The following RAD51B variants were observed in gnomAD, a reference collection of about 807,000 sequenced individuals.
RAD51B encodes the protein RAD51 paralog B.
RAD51B carries 38 observed loss-of-function variants against 42.2 expected under a neutral mutation model. That is an observed-to-expected ratio of 0.90 (90% CI 0.70 to 1.18). The LOEUF (loss-of-function observed/expected upper bound fraction) is 1.18. Ranked by LOEUF, RAD51B falls within the 50% of genes most tolerant of loss-of-function variation. The pLI, the probability that RAD51B is intolerant of heterozygous loss-of-function variation, is 0.00. For missense variants in RAD51B, 373 were observed against 400.7 expected (o/e 0.93, Z 0.59); for synonymous variants, 154 against 145.2 (o/e 1.06, Z -0.43).
At chr14:68,385,595 G>T (rs1246278931) in intron 8 of RAD51B, among the ~76,000 whole-genome samples, 1 of 152,146 alleles carries the variant, frequency 6.6e-6, no homozygotes, top group Admixed American at 6.6e-5. Context: ...AGCATTACGA[G>T]CATCCAGTGA....
At chr14:68,003,273 C>A (rs1009534459) in intron 7 of RAD51B, among the ~76,000 whole-genome samples, 35 of 152,050 alleles carry the variant, frequency 2.3e-4, no homozygotes, top group African/African-American at 7.5e-4. Flanking sequence ...ATTTTATTTT[C>A]TTTGTAGCAA....
At chr14:68,142,991 A>G (rs2767364) in intron 7 of RAD51B, among the ~76,000 whole-genome samples, 27 of 147,596 alleles carry the variant, frequency 1.8e-4, no homozygotes, top group South Asian at 2.1e-4. Context: ...TGTCTCAAGG[A>G]AAAAAAAAAG....
chr14:68,582,736 AAG>A (rs1250897038), intron 10 of RAD51B, among the ~76,000 whole-genome samples: 6 of 152,254 alleles, frequency 3.9e-5, no homozygotes, highest in Non-Finnish European at 8.8e-5. Context: ...CACAATAGCA[AAG>A]ACTTGGAATC....
chr14:68,079,852 C>CA (rs2076887332), intron 7 of RAD51B, among the ~76,000 whole-genome samples: 1 of 152,234 alleles, frequency 6.6e-6, no homozygotes, highest in East Asian at 1.9e-4. Flanking sequence ...CTTGGTCTCA[C>CA]AGGCTCTGTC....
chr14:67,931,606 A>C (rs556998299), intron 7 of RAD51B, among the ~76,000 whole-genome samples: 1 of 149,756 alleles, frequency 6.7e-6, no homozygotes, highest in East Asian at 2.0e-4. Context: ...GGGTTCAAGC[A>C]ATTCTCCTGC....
intron 8 of RAD51B, chr14:68,338,973 T>C: frequency 1.5e-6 from 1 of 657,788 alleles, no homozygotes; most frequent in Non-Finnish European, 2.8e-6. Context: ...TGCCTTCCCC[T>C]TGATAATGCA....
chr14:68,428,006 G>A (rs1162944002), intron 9 of RAD51B, among the ~76,000 whole-genome samples: 1 of 152,152 alleles, frequency 6.6e-6, no homozygotes, highest in Admixed American at 6.6e-5. Context: ...ACAGGAGTGA[G>A]TTCCTTATAA....
At chr14:68,374,932 C>T (rs771574995) in intron 8 of RAD51B, among the ~76,000 whole-genome samples, 7 of 151,232 alleles carry the variant, frequency 4.6e-5, no homozygotes, top group Non-Finnish European at 8.8e-5. Context: ...TGGATTATGC[C>T]CGTATCTGAT....
chr14:68,412,913 G>A (rs1281739555), intron 9 of RAD51B, among the ~76,000 whole-genome samples: 2 of 152,200 alleles, frequency 1.3e-5, no homozygotes, highest in African/African-American at 4.8e-5. Flanking sequence ...AACTTTATCA[G>A]AGGAAGCAAA....
chr14:68,133,075 G>T (rs775138673), intron 7 of RAD51B, among the ~76,000 whole-genome samples: 1 of 152,094 alleles, frequency 6.6e-6, no homozygotes, highest in Non-Finnish European at 1.5e-5. Context: ...AAAAGAATGT[G>T]GGGGGCAGGC....
chr14:68,422,244 C>T (rs1302123226), intron 9 of RAD51B: 1 of 839,776 alleles, frequency 1.2e-6, no homozygotes, highest in African/African-American at 1.7e-5. Flanking sequence ...GCAGAGCACC[C>T]AAATTCTTAA....
intron 7 of RAD51B, among the ~76,000 whole-genome samples, chr14:67,998,279 T>A (rs1488028001): frequency 6.6e-6 from 1 of 152,202 alleles, no homozygotes; most frequent in East Asian, 1.9e-4. Flanking sequence ...TGATTTTCAA[T>A]GTGGAAATAA....
At chr14:68,595,635 A>G in exon 11 of RAD51B, 1 of 1,051,862 alleles carries the variant, frequency 9.5e-7, no homozygotes, top group East Asian at 5.0e-5. Context: ...ACATTGTGTT[A>G]TTTATACTAG....
At chr14:68,171,181 A>G (rs895612019) in intron 7 of RAD51B, among the ~76,000 whole-genome samples, 1 of 152,170 alleles carries the variant, frequency 6.6e-6, no homozygotes. Flanking sequence ...ATCTGTCATC[A>G]TTGTCTCATA....
At chr14:68,396,632 T>C (rs1043911680) in intron 8 of RAD51B, among the ~76,000 whole-genome samples, 3 of 152,226 alleles carry the variant, frequency 2.0e-5, no homozygotes, top group Admixed American at 6.5e-5. Flanking sequence ...ATATTTTCAG[T>C]TGGAGAAAAC....
chr14:67,987,474 C>G (rs935550288), intron 7 of RAD51B, among the ~76,000 whole-genome samples: 2 of 152,058 alleles, frequency 1.3e-5, no homozygotes, highest in Non-Finnish European at 2.9e-5. Flanking sequence ...TACATTGTAG[C>G]CTTTAGAGGC....
intron 7 of RAD51B, among the ~76,000 whole-genome samples, chr14:68,211,707 G>T (rs1341317176): frequency 1.3e-5 from 2 of 152,200 alleles, no homozygotes. Flanking sequence ...CCAAAGACTG[G>T]CCTAGACGTA....
chr14:68,457,231 T>G (rs2085719541), intron 9 of RAD51B, among the ~76,000 whole-genome samples: 2 of 151,700 alleles, frequency 1.3e-5, no homozygotes, highest in South Asian at 4.2e-4. Flanking sequence ...AAATCGATAA[T>G]CAGTAACAAA....
At chr14:68,576,811 T>C (rs1428234013) in intron 10 of RAD51B, among the ~76,000 whole-genome samples, 1 of 152,232 alleles carries the variant, frequency 6.6e-6, no homozygotes, top group Admixed American at 6.5e-5. Context: ...CTCCACCTCT[T>C]GACTCAGAGT....
Sources: gnomAD v4.1 joint callset for allele counts (sites outside exome capture counted in the v4.1 genomes callset) on GRCh38, gnomAD v4.1.1 for gene constraint, MANE v1.5 for transcripts, NCBI Gene and HGNC (gene_info 2026-07-23, HGNC 2026-07-21) for gene names.